Variants in ZNF480 observed in about 807,000 individuals in gnomAD.
ZNF480 encodes zinc finger protein 480.
Under a neutral mutation model 14.4 loss-of-function variants are expected in ZNF480, and 15 were observed. The observed-to-expected ratio is 1.04, with a 90% CI of 0.70 to 1.60. The LOEUF (loss-of-function observed/expected upper bound fraction) is 1.60, where lower values mean the gene tolerates loss of function less well. Ranked by LOEUF, ZNF480 falls within the 40% of genes most tolerant of loss-of-function variation. The pLI, the probability that ZNF480 is intolerant of heterozygous loss-of-function variation, is 0.00. For missense variants in ZNF480, 593 were observed against 629.7 expected, an observed-to-expected ratio of 0.94 and a Z score of 0.62; for synonymous variants, 218 against 215.5, an observed-to-expected ratio of 1.01 and a Z score of -0.10.
At chr19:52,300,585 C>A in intron 2 of ZNF480, 101 bp downstream of exon 2, 1 of 1,580,082 alleles carries the variant, frequency 6.3e-7, no homozygotes, top group South Asian at 1.1e-5. Context: ...TCCTGCCTGA[C>A]AGGTTTGCTC....
At position 52,322,836 on chromosome 19, in the gene ZNF480, A is replaced by G. The variant is rs1983911987; in HGVS notation, c.1586A>G (p.His529Arg). The G allele has an allele frequency of 6.3e-7, 1 of 1,592,200 alleles. No homozygotes were observed. The highest frequency in any genetic ancestry group is 8.6e-7 in the Non-Finnish European group (1 of 1,167,000). Residue 529 changes from histidine (H) to arginine (R), a missense_variant, in exon 5 of 5, where the codon CAT (histidine) becomes CGT (arginine). Transcript: ENST00000595962. ...AGTCGCATTTCATACCTAGCACAAC[A>G]TTGGACAATTCATATGGGATAGAAA... ...AFSRISYLAQHWTIHMG is the reference protein window; with the variant it reads ...AFSRISYLAQRWTIHMG
chr19:52,322,420 G>T lies in ZNF480; in HGVS notation c.1170G>T (p.Trp390Cys). Residue 390 changes from tryptophan (W) to cysteine (C), a missense_variant, in exon 5 of 5, where the codon TGG (tryptophan) becomes TGT (cysteine). Transcript: ENST00000595962. Reference protein sequence around the residue: ...FIQNSHLAQHWRIHTGEKPYK... With the variant: ...FIQNSHLAQHCRIHTGEKPYK... ...AAAATTCGCACCTAGCACAACATTGGAGAATTCATACAGGAGAGAAACCTT... is the reference window on the plus strand; with the variant it reads ...AAAATTCGCACCTAGCACAACATTGTAGAATTCATACAGGAGAGAAACCTT... 3.1e-6 allele frequency: 5 copies of T among 1,613,540 alleles called. No individual in the cohort carries two copies. The highest frequency in any genetic ancestry group is 4.2e-6 in the Non-Finnish European group (5 of 1,179,922).
At chr19:52,299,408 G>A (rs1982576452) in intron 1 of ZNF480, among the ~76,000 whole-genome samples, 1 of 152,152 alleles carries the variant, frequency 6.6e-6, no homozygotes, top group Non-Finnish European at 1.5e-5. Context: ...CCCACAGGTT[G>A]GGGGCTCAGT....
chr19:52,322,794 A>G lies in ZNF480; in HGVS notation c.1544A>G (p.Glu515Gly). ...GGAGAGAAACCTTACAAATGTAATG[A>G]GTGTGGCAAGGCCTTTAGTCGCATT... is the stretch of plus-strand genomic sequence containing the variant. ...HTGEKPYKCN[E>G]CGKAFSRISY... The change falls in exon 5 of 5, where the codon GAG (glutamate) becomes GGG (glycine). Residue 515 changes from glutamate to glycine, a missense_variant. Glu to Gly is a moderately conservative substitution (Grantham distance 98, BLOSUM62 -2). Transcript: ENST00000595962. The G allele has an allele frequency of 6.2e-7, 1 of 1,612,150 alleles. No homozygotes were observed. Among genetic ancestry groups the G allele is most frequent in the Non-Finnish European group, 8.5e-7 (1 of 1,178,538 alleles).
At chr19:52,318,557 C>T (rs2122556591) in intron 4 of ZNF480, among the ~76,000 whole-genome samples, 1 of 152,238 alleles carries the variant, frequency 6.6e-6, no homozygotes, top group Admixed American at 6.5e-5. Flanking sequence ...TGTATATTTA[C>T]CTTCTTTCCT....
rs569285967 is a variant in ZNF480 at position 52,325,412 on chromosome 19, A to G, written c.*2554A>G. On this transcript the variant is annotated 3_prime_UTR_variant, in exon 5 of 5. Transcript: ENST00000595962. ...AACATAGCATTCAACCCAGCATCCCATTACTGGGTGTATACCTAAAGGAAT... is the reference window on the plus strand; with the variant it reads ...AACATAGCATTCAACCCAGCATCCCGTTACTGGGTGTATACCTAAAGGAAT... The G allele has an allele frequency of 1.9e-4, 29 of 152,330 alleles. No homozygotes were observed. Among genetic ancestry groups the G allele is most frequent in the African/African-American group, 6.5e-4 (27 of 41,582 alleles). 9.4% of individuals were successfully genotyped at this position (152,330 alleles called of 1,614,324 possible).
chr19:52,319,250 C>T (rs527744711), intron 4 of ZNF480, among the ~76,000 whole-genome samples: 107 of 152,206 alleles, frequency 7.0e-4, no homozygotes, highest in African/African-American at 2.4e-3. Context: ...TGAAGGGCTC[C>T]CTGTAGCATT....
At chr19:52,316,417 A>T (rs928711231) in intron 4 of ZNF480, among the ~76,000 whole-genome samples, 4 of 152,022 alleles carry the variant, frequency 2.6e-5, no homozygotes, top group African/African-American at 4.8e-5. Flanking sequence ...TTCAGTTAAG[A>T]CAGGGTTTCA....
At position 52,325,690 on chromosome 19, in the gene ZNF480, C is replaced by A. The variant is rs1305720070; in HGVS notation, c.*2832C>A. On this transcript the variant is annotated 3_prime_UTR_variant, in exon 5 of 5. Coordinates refer to ENST00000595962, the MANE Select transcript of ZNF480 (RefSeq NM_144684.4). The stretch of plus-strand genomic sequence containing the variant: ...AACAGAAAATGAAATATCCCATGTT[C>A]TCACTTATAAGTGGGAGCTAAACAT... The A allele has an allele frequency of 6.6e-6, 1 of 152,180 alleles. No individual in the cohort carries two copies. Among genetic ancestry groups the A allele is most frequent in the Non-Finnish European group, 1.5e-5 (1 of 68,048 alleles). The allele number at this position is 152,180 out of a possible 1,614,324, so 9.4% of individuals were successfully genotyped here.
At chr19:52,309,885 G>C (rs929727662) in intron 2 of ZNF480, among the ~76,000 whole-genome samples, 2 of 152,160 alleles carry the variant, frequency 1.3e-5, no homozygotes, top group Admixed American at 1.3e-4. Flanking sequence ...TAGAGTTGCA[G>C]ATTTCTAACA....
chr19:52,305,067 C>G (rs1433284935), intron 2 of ZNF480, among the ~76,000 whole-genome samples: 1 of 152,104 alleles, frequency 6.6e-6, no homozygotes, highest in Non-Finnish European at 1.5e-5. Flanking sequence ...CCACTGCACT[C>G]CAGCCTAGGG....
rs1174303733 is a variant in ZNF480, at chr19:52,325,609, C to T, written c.*2751C>T. Reference sequence around the variant, plus strand: ...GCCATAAAAAAGAACAAGACTGTGTCCTTTACAGCAACATAGATGGAGCTG... The same window carrying T: ...GCCATAAAAAAGAACAAGACTGTGTTCTTTACAGCAACATAGATGGAGCTG... On this transcript the variant is annotated 3_prime_UTR_variant, in exon 5 of 5. Coordinates refer to ENST00000595962, the MANE Select transcript of ZNF480 (RefSeq NM_144684.4). The T allele has an allele frequency of 6.6e-6, 1 of 152,212 alleles. No individual in the cohort carries two copies. Among genetic ancestry groups the T allele is most frequent in the Admixed American group, 6.5e-5 (1 of 15,270 alleles). The allele number at this position is 152,212 out of a possible 1,614,324, so 9.4% of individuals were successfully genotyped here.
rs566619992 is a variant in ZNF480, at chr19:52,318,173, C to T, written c.328+2211C>T. ...CCCAGGCTGGATGCAGTGGCGTGAT[C>T]TCGGCTCACTGGTACCTGCGCCTCC... On this transcript the variant is annotated intron_variant, in intron 4 of 4. Coordinates refer to ENST00000595962, the MANE Select transcript of ZNF480 (RefSeq NM_144684.4). Among the ~76,000 whole-genome samples, 250 of 152,108 alleles carry T rather than the reference C, an allele frequency of 1.6e-3. 1 individual carries two copies. The highest frequency in any genetic ancestry group is 5.8e-3 in the African/African-American group (239 of 41,486).
Position 52,325,521 on chromosome 19 carries a change from T to C in ZNF480, c.*2663T>C, listed in dbSNP as rs1249185914. 1.3e-5 allele frequency: 2 copies of C among 152,126 alleles called. No homozygotes were observed. Among genetic ancestry groups the C allele is most frequent in the Non-Finnish European group, 2.9e-5 (2 of 68,032 alleles). The allele number at this position is 152,126 out of a possible 1,614,324, so 9.4% of individuals were successfully genotyped here. ...AGCAAAGATGTGGAATCAACGTAAATGCCCATCAGCAGTAGACCAGATAAA... is the reference window on the plus strand; with the variant it reads ...AGCAAAGATGTGGAATCAACGTAAACGCCCATCAGCAGTAGACCAGATAAA... On this transcript the variant is annotated 3_prime_UTR_variant, in exon 5 of 5. Transcript: ENST00000595962.
At chr19:52,307,942 A>G (rs1360793281) in intron 2 of ZNF480, among the ~76,000 whole-genome samples, 5 of 152,098 alleles carry the variant, frequency 3.3e-5, no homozygotes, top group Admixed American at 3.3e-4. Flanking sequence ...CAGAAATCCT[A>G]TTTATGGCCA....
chr19:52,314,427 C>T (rs1322861341), intron 3 of ZNF480, 148 bp downstream of exon 3: 8 of 467,984 alleles, frequency 1.7e-5, no homozygotes, highest in Admixed American at 4.8e-5. Flanking sequence ...TTTGGTGAGC[C>T]GAGATCACGT....
intron 1 of ZNF480, among the ~76,000 whole-genome samples, chr19:52,298,162 G>A (rs1018464798): frequency 4.6e-5 from 7 of 152,108 alleles, no homozygotes; most frequent in African/African-American, 1.4e-4. Flanking sequence ...TGGAGCCAGG[G>A]CAGACAGAGC....
At chr19:52,318,202 G>T (rs1314095271) in intron 4 of ZNF480, among the ~76,000 whole-genome samples, 12 of 151,986 alleles carry the variant, frequency 7.9e-5, no homozygotes, top group Admixed American at 7.9e-4. Flanking sequence ...CGCCTCCCAG[G>T]TTCAAGCAAT....
intron 4 of ZNF480, among the ~76,000 whole-genome samples, chr19:52,319,620 T>C (rs1174644888): frequency 6.6e-6 from 1 of 152,154 alleles, no homozygotes; most frequent in Non-Finnish European, 1.5e-5. Flanking sequence ...TTCAGGTCTT[T>C]CTTCAGAATT....
Sources: allele counts gnomAD v4.1 joint callset (sites outside exome capture counted in the v4.1 genomes callset), GRCh38; gene constraint gnomAD v4.1.1; transcripts MANE v1.5; gene names NCBI Gene and HGNC (gene_info 2026-07-23, HGNC 2026-07-21).